The following COX7B2 variants were observed in gnomAD, a reference collection of about 807,000 sequenced individuals.
COX7B2 encodes cytochrome c oxidase subunit 7B2, mitochondrial.
For synonymous variants in COX7B2, 37 were observed against 32.1 expected (o/e 1.15, Z -0.51); for missense variants, 109 against 95.9 (o/e 1.14, Z -0.57).
intron 2 of COX7B2, among the ~76,000 whole-genome samples, chr4:46,774,123 T>C (rs1308112986): frequency 6.6e-6 from 1 of 152,292 alleles, no homozygotes; most frequent in East Asian, 1.9e-4. Flanking sequence ...TTCACGCTTT[T>C]GATATTTTCA....
At chr4:46,770,814 C>T (rs541042379) in intron 2 of COX7B2, among the ~76,000 whole-genome samples, 1 of 152,196 alleles carries the variant, frequency 6.6e-6, no homozygotes, top group South Asian at 2.1e-4. Context: ...ACCCTATATG[C>T]AGAATCAACT....
intron 2 of COX7B2, among the ~76,000 whole-genome samples, chr4:46,773,107 T>G (rs1220447507): frequency 6.6e-6 from 1 of 152,200 alleles, no homozygotes; most frequent in Non-Finnish European, 1.5e-5. Context: ...ATACGATGTC[T>G]ATTTTTTAAC....
At chr4:46,794,929 C>A (rs537900586) in intron 2 of COX7B2, among the ~76,000 whole-genome samples, 2 of 152,294 alleles carry the variant, frequency 1.3e-5, no homozygotes, top group East Asian at 3.9e-4. Flanking sequence ...AAAGTAACAG[C>A]CCCTCAGTGA....
At chr4:46,780,313 C>G (rs552483131) in intron 2 of COX7B2, among the ~76,000 whole-genome samples, 2 of 152,028 alleles carry the variant, frequency 1.3e-5, no homozygotes, top group South Asian at 4.1e-4. Flanking sequence ...GTCAGGAGAT[C>G]GAGACCATCC....
intron 2 of COX7B2, among the ~76,000 whole-genome samples, chr4:46,782,810 C>G (rs1358811409): frequency 6.6e-6 from 1 of 152,164 alleles, no homozygotes; most frequent in Admixed American, 6.5e-5. Context: ...AGCTTCACTA[C>G]TGAAGTCAGC....
At chr4:46,868,418 G>A (rs1181122528) in intron 1 of COX7B2, among the ~76,000 whole-genome samples, 1 of 152,030 alleles carries the variant, frequency 6.6e-6, no homozygotes, top group East Asian at 1.9e-4. Context: ...TAGCTTTGAG[G>A]TTGATTTGTT....
chr4:46,880,412 CTTTTT>C (rs548281459), intron 1 of COX7B2, among the ~76,000 whole-genome samples: 293 of 85,626 alleles, frequency 3.4e-3, no homozygotes, highest in African/African-American at 0.012. Context: ...AGGTCCTGGG[CTTTTT>C]TTTTTTTTTT....
chr4:46,871,681 G>A (rs1288425429), intron 1 of COX7B2, among the ~76,000 whole-genome samples: 1 of 148,876 alleles, frequency 6.7e-6, no homozygotes, highest in East Asian at 2.0e-4. Flanking sequence ...GACATGAACA[G>A]ACACTTTTCA....
chr4:46,815,599 C>A (rs1202673373), intron 2 of COX7B2, among the ~76,000 whole-genome samples: 1 of 152,010 alleles, frequency 6.6e-6, no homozygotes, highest in Admixed American at 6.6e-5. Flanking sequence ...TCTGTATTCT[C>A]CTACAGCTGC....
chr4:46,907,618 A>G (rs1364302984), intron 1 of COX7B2, among the ~76,000 whole-genome samples: 1 of 152,028 alleles, frequency 6.6e-6, no homozygotes, highest in East Asian at 1.9e-4. Context: ...TTTGATATCC[A>G]TATGCACCTC....
At chr4:46,883,598 C>A (rs1419110046) in intron 1 of COX7B2, among the ~76,000 whole-genome samples, 1 of 151,912 alleles carries the variant, frequency 6.6e-6, no homozygotes, top group Non-Finnish European at 1.5e-5. Flanking sequence ...ATTAGCCAGG[C>A]ATGGTGGCAC....
chr4:46,753,275 A>G (rs1195051455), intron 2 of COX7B2, among the ~76,000 whole-genome samples: 1 of 151,952 alleles, frequency 6.6e-6, no homozygotes, highest in African/African-American at 2.4e-5. Context: ...CCCCTTTATC[A>G]TTTTTTATTG....
chr4:46,904,398 T>C (rs566603992), intron 1 of COX7B2, among the ~76,000 whole-genome samples: 43 of 151,944 alleles, frequency 2.8e-4, no homozygotes, highest in Middle Eastern at 6.8e-3. Flanking sequence ...AAAATGAAAA[T>C]CACTTCACAG....
At chr4:46,901,478 A>G (rs1577716975) in intron 1 of COX7B2, among the ~76,000 whole-genome samples, 2 of 152,226 alleles carry the variant, frequency 1.3e-5, no homozygotes, top group Non-Finnish European at 2.9e-5. Flanking sequence ...TCAATATATT[A>G]CCTCTGCATC....
At chr4:46,900,526 G>C (rs569636784) in intron 1 of COX7B2, among the ~76,000 whole-genome samples, 2 of 152,208 alleles carry the variant, frequency 1.3e-5, no homozygotes, top group African/African-American at 4.8e-5. Flanking sequence ...TTCTCATTAA[G>C]AAATCTGTTA....
chr4:46,904,558 T>G (rs1720262635), intron 1 of COX7B2, among the ~76,000 whole-genome samples: 1 of 152,194 alleles, frequency 6.6e-6, no homozygotes, highest in Non-Finnish European at 1.5e-5. Flanking sequence ...CATAATACTC[T>G]GTTAACGAAA....
intron 1 of COX7B2, among the ~76,000 whole-genome samples, chr4:46,850,749 T>C (rs2109778262): frequency 6.6e-6 from 1 of 152,176 alleles, no homozygotes; most frequent in African/African-American, 2.4e-5. Flanking sequence ...AGGTCGAACA[T>C]ATTGCCTGCC....
chr4:46,843,683 C>T (rs912362573), intron 2 of COX7B2, among the ~76,000 whole-genome samples: 1 of 151,742 alleles, frequency 6.6e-6, no homozygotes, highest in Non-Finnish European at 1.5e-5. Flanking sequence ...TGTAGTTCTG[C>T]AAATTATTAA....
intron 1 of COX7B2, among the ~76,000 whole-genome samples, chr4:46,866,433 T>C (rs974669348): frequency 1.3e-5 from 2 of 152,286 alleles, no homozygotes; most frequent in African/African-American, 2.4e-5. Context: ...CTACCTATTC[T>C]TTTAGGAGTA....
Sources: gnomAD v4.1 joint callset for allele counts (sites outside exome capture counted in the v4.1 genomes callset) on GRCh38, gnomAD v4.1.1 for gene constraint, MANE v1.5 for transcripts, NCBI Gene and HGNC (gene_info 2026-07-23, HGNC 2026-07-21) for gene names.